The following PPFIBP1 variants were observed in gnomAD, a reference collection of about 807,000 sequenced individuals.
PPFIBP1 encodes PPFIB scaffold protein 1.
Under a neutral mutation model 137.8 loss-of-function variants are expected in PPFIBP1, and 112 were observed. The observed-to-expected ratio is 0.81, with a 90% confidence interval of 0.70 to 0.95. The LOEUF is 0.95. Ranked by LOEUF, PPFIBP1 falls within the 40% of genes least tolerant of loss-of-function variation. The pLI, the probability that PPFIBP1 is intolerant of heterozygous loss-of-function variation, is 0.00. For synonymous variants in PPFIBP1, 378 were observed against 417.3 expected (o/e 0.91, Z 1.15); for missense variants, 1,083 against 1,196.6 (o/e 0.91, Z 1.40).
intron 2 of PPFIBP1, chr12:27,593,796 T>C: frequency 9.6e-7 from 1 of 1,041,110 alleles, no homozygotes; most frequent in Non-Finnish European, 1.4e-6. Flanking sequence ...TTTGCAAAAC[T>C]GTCTGGTTCG....
chr12:27,594,540 C>T (rs1393024354), intron 2 of PPFIBP1, among the ~76,000 whole-genome samples: 5 of 152,200 alleles, frequency 3.3e-5, no homozygotes, highest in African/African-American at 1.2e-4. Context: ...TTTTTATAAT[C>T]TCCCAGTGAA....
At chr12:27,639,467 T>A (rs2057945894) in intron 4 of PPFIBP1, among the ~76,000 whole-genome samples, 3 of 152,182 alleles carry the variant, frequency 2.0e-5, no homozygotes. Flanking sequence ...TAACTGAGGA[T>A]CATGACCTTG....
At chr12:27,676,083 C>T (rs1215805304) in intron 17 of PPFIBP1, among the ~76,000 whole-genome samples, 2 of 152,126 alleles carry the variant, frequency 1.3e-5, no homozygotes, top group Non-Finnish European at 2.9e-5. Flanking sequence ...AAATCTGCTG[C>T]TATTATTCTG....
intron 1 of PPFIBP1, among the ~76,000 whole-genome samples, chr12:27,560,431 C>G (rs1021555467): frequency 6.6e-6 from 1 of 152,130 alleles, no homozygotes; most frequent in African/African-American, 2.4e-5. Flanking sequence ...CTAGTATTGT[C>G]TTTGAGAGAG....
intron 19 of PPFIBP1, among the ~76,000 whole-genome samples, chr12:27,678,373 C>G (rs530189704): frequency 6.6e-6 from 1 of 152,262 alleles, no homozygotes; most frequent in African/African-American, 2.4e-5. Flanking sequence ...TAGGCATATC[C>G]AGTTCATTCT....
chr12:27,630,397 C>G (rs2057176691), intron 2 of PPFIBP1, among the ~76,000 whole-genome samples: 1 of 152,076 alleles, frequency 6.6e-6, no homozygotes, highest in South Asian at 2.1e-4. Flanking sequence ...ATCTTTCTTT[C>G]TAGTCATACT....
chr12:27,668,472 G>A (rs1383316936), intron 13 of PPFIBP1, among the ~76,000 whole-genome samples: 1 of 152,136 alleles, frequency 6.6e-6, no homozygotes, highest in East Asian at 1.9e-4. Flanking sequence ...CCAATCCTCT[G>A]GGCTATTGGC....
chr12:27,680,430 G>A (rs1047132029), intron 21 of PPFIBP1, among the ~76,000 whole-genome samples: 2 of 152,130 alleles, frequency 1.3e-5, no homozygotes, highest in Non-Finnish European at 2.9e-5. Flanking sequence ...TTTGCTTTCT[G>A]GCCTTACCAC....
chr12:27,582,144 G>A (rs1239820641), intron 2 of PPFIBP1, among the ~76,000 whole-genome samples: 2 of 151,992 alleles, frequency 1.3e-5, no homozygotes, highest in Admixed American at 6.6e-5. Flanking sequence ...TTATGAGACA[G>A]ATATGCTAGT....
At chr12:27,691,664 CAA>C in intron 27 of PPFIBP1, 83 bp from the exon 28 acceptor site, 3 of 1,090,022 alleles carry the variant, frequency 2.8e-6, no homozygotes, top group Admixed American at 2.3e-5. Context: ...GGGGGCAACG[CAA>C]AAAAAAATCA....
At chr12:27,607,994 T>C (rs762262376) in intron 2 of PPFIBP1, among the ~76,000 whole-genome samples, 81 of 152,194 alleles carry the variant, frequency 5.3e-4, no homozygotes, top group Non-Finnish European at 8.5e-4. Context: ...TGTACAAAAT[T>C]ATGTACTGAA....
chr12:27,634,252 C>A (rs759737525), intron 3 of PPFIBP1, among the ~76,000 whole-genome samples: 13 of 150,660 alleles, frequency 8.6e-5, no homozygotes, highest in Non-Finnish European at 1.6e-4. Flanking sequence ...ATAGTGCAGC[C>A]TTGAAATGCT....
chr12:27,677,312 T>G (rs2060580950), intron 19 of PPFIBP1: 1 of 605,518 alleles, frequency 1.7e-6, no homozygotes, highest in African/African-American at 1.9e-5. Flanking sequence ...CTAGTAACAC[T>G]CACTGTGTGA....
chr12:27,645,219 C>T (rs1370702786), intron 4 of PPFIBP1, among the ~76,000 whole-genome samples: 3 of 152,186 alleles, frequency 2.0e-5, no homozygotes, highest in African/African-American at 7.2e-5. Context: ...ATTGGGATTA[C>T]ATTATCTTAT....
intron 2 of PPFIBP1, among the ~76,000 whole-genome samples, chr12:27,580,169 C>T (rs1437077047): frequency 6.6e-6 from 1 of 152,070 alleles, no homozygotes; most frequent in Non-Finnish European, 1.5e-5. Context: ...TAGAGGCAGG[C>T]CTGAGCTCAG....
intron 2 of PPFIBP1, among the ~76,000 whole-genome samples, chr12:27,607,258 G>A (rs1327219891): frequency 6.6e-6 from 1 of 152,216 alleles, no homozygotes; most frequent in Admixed American, 6.5e-5. Flanking sequence ...GGAGCTCAGA[G>A]CCAGGGGCCA....
At chr12:27,689,575 A>G (rs1341326174) in intron 27 of PPFIBP1, among the ~76,000 whole-genome samples, 33 of 152,172 alleles carry the variant, frequency 2.2e-4, no homozygotes, top group Non-Finnish European at 1.5e-5. Context: ...AATGAGCCCA[A>G]GAGTTCTGCA....
chr12:27,548,512 T>G (rs748549333), intron 1 of PPFIBP1: 1 of 152,216 alleles, frequency 6.6e-6, no homozygotes, highest in Non-Finnish European at 1.5e-5. Flanking sequence ...CCAGTTGCAC[T>G]GAACAAATGT....
chr12:27,694,930 A>G lies in PPFIBP1; in HGVS notation c.*2048A>G, dbSNP rs1371407295. The G allele has an allele frequency of 2.6e-5, 4 of 152,244 alleles. No individual in the cohort carries two copies. Among genetic ancestry groups the G allele is most frequent in the Non-Finnish European group, 5.9e-5 (4 of 68,048 alleles). The allele number at this position is 152,244 out of a possible 1,614,324, so 9.4% of individuals were successfully genotyped here. A position where few individuals can be genotyped will look rare whatever the true frequency, so the allele number is the denominator to read the frequency against. On this transcript the variant is annotated 3_prime_UTR_variant, in exon 30 of 30. Transcript: ENST00000228425. The stretch of plus-strand genomic sequence containing the variant: ...ATTAAAGAACTTGTAATATCAAATT[A>G]CTATTTATTCATAACAATTGATTTG...
Sources: gnomAD v4.1 joint callset for allele counts (sites outside exome capture counted in the v4.1 genomes callset) on GRCh38, gnomAD v4.1.1 for gene constraint, MANE v1.5 for transcripts, NCBI Gene and HGNC (gene_info 2026-07-23, HGNC 2026-07-21) for gene names.